CACNA1I: variants seen among roughly 807,000 people sequenced by gnomAD.
CACNA1I encodes the protein voltage-dependent T-type calcium channel subunit alpha-1I.
A neutral mutation model predicts 201.6 loss-of-function variants in CACNA1I; 74 were observed. The ratio of observed to expected loss-of-function variants is 0.37; its 90% confidence interval spans 0.30 to 0.45. CACNA1I has a LOEUF of 0.45. Ranked by LOEUF, CACNA1I falls within the 20% of genes least tolerant of loss-of-function variation. The pLI, the probability that CACNA1I is intolerant of heterozygous loss-of-function variation, is 1.00. For missense variants in CACNA1I, 2,346 were observed against 3,138.1 expected (o/e 0.75, Z 6.03); for synonymous variants, 1,431 against 1,345.2 (o/e 1.06, Z -1.40).
At chr22:39,610,052 T>G (rs935436006) in intron 3 of CACNA1I, among the ~76,000 whole-genome samples, 2 of 152,220 alleles carry the variant, frequency 1.3e-5, no homozygotes, top group African/African-American at 4.8e-5. Context: ...CCTTTGGAGC[T>G]GGCCTTCCTG....
chr22:39,662,411 G>A lies in CACNA1I; in HGVS notation c.3348G>A (p.Gly1116=). 1 of 1,453,802 alleles carries A rather than the reference G, an allele frequency of 6.9e-7. No individual in the cohort carries two copies. The highest frequency in any genetic ancestry group is 9.0e-7 in the Non-Finnish European group (1 of 1,113,394). 90.1% of individuals were successfully genotyped at this position (1,453,802 alleles called of 1,614,324 possible). Residue 1116 remains glycine, a synonymous_variant, in exon 17 of 37, where the codon GGG becomes GGA. Coordinates refer to ENST00000402142, the MANE Select transcript of CACNA1I (RefSeq NM_021096.4). ...FTKMGDRGDR[G]EDEEEIDYTL... ...AGATGGGCGACCGCGGGGATCGCGGGGAGGATGAGGAGGAAATCGACTACG... is the reference window on the plus strand; with the variant it reads ...AGATGGGCGACCGCGGGGATCGCGGAGAGGATGAGGAGGAAATCGACTACG...
In CACNA1I at chr22:39,662,326, C is replaced by T; in HGVS notation, c.3263C>T (p.Ala1088Val). Reference protein sequence around the residue: ...PRAAWRAAGPAPGHEDCNGRM... With the variant: ...PRAAWRAAGPVPGHEDCNGRM... ...GCCGCCTGGAGGGCGGCAGGCCCGG[C>T]CCCCGGGCATGAGGACTGCAATGGC... is the stretch of plus-strand genomic sequence containing the variant. Residue 1088 changes from alanine (A) to valine (V), a missense_variant, in exon 17 of 37, where the codon GCC (alanine) becomes GTC (valine). By Grantham distance (64) the Ala-to-Val change is moderately conservative (BLOSUM62 0). Transcript: ENST00000402142. The T allele has an allele frequency of 6.8e-7, 1 of 1,476,950 alleles. No individual in the cohort carries two copies. The highest frequency in any genetic ancestry group is 1.3e-5 in the South Asian group (1 of 75,178). The allele number at this position is 1,476,950 out of a possible 1,614,324, so 91.5% of individuals were successfully genotyped here.
Position 39,646,589 on chromosome 22 carries a change from C to T in CACNA1I, c.1170C>T (p.Ile390=). The change falls in exon 8 of 37, where the codon ATC becomes ATT. Residue 390 remains isoleucine, a synonymous_variant. Transcript: ENST00000402142. ...LLIIVGSFFM[I]NLCLVVIATQ... is the part of the protein sequence containing the mutation. ...CACAGGTGGGCTCCTTCTTCATGAT[C>T]AACCTGTGCCTCGTTGTCATAGCGA... 1 of 1,561,826 alleles carries T rather than the reference C, an allele frequency of 6.4e-7. No individual in the cohort carries two copies. Among genetic ancestry groups the T allele is most frequent in the Non-Finnish European group, 8.7e-7 (1 of 1,152,720 alleles).
chr22:39,607,873 C>T (rs1285323201), intron 3 of CACNA1I, among the ~76,000 whole-genome samples: 2 of 141,820 alleles, frequency 1.4e-5, no homozygotes, highest in Non-Finnish European at 3.0e-5. Context: ...ACCTGTAATC[C>T]CAGCACTTTG....
In CACNA1I at chr22:39,661,272, A is replaced by G. The variant is rs771098408; in HGVS notation, c.2863A>G (p.Met955Val). The G allele has an allele frequency of 1.2e-5, 19 of 1,604,342 alleles. No homozygotes were observed. The highest frequency in any genetic ancestry group is 3.3e-4 in the Middle Eastern group (2 of 6,042). Residue 955 changes from methionine (M) to valine (V), a missense_variant, in exon 16 of 37, where the codon ATG becomes GTG. Met to Val is a conservative substitution (Grantham distance 21). Coordinates refer to ENST00000402142, the MANE Select transcript of CACNA1I (RefSeq NM_021096.4). ...CCTGGGCTCCCGAAAGAGCAGTGTCATGTCTCTAGGGAGGATGAGCTATGA... is the reference window on the plus strand; with the variant it reads ...CCTGGGCTCCCGAAAGAGCAGTGTCGTGTCTCTAGGGAGGATGAGCTATGA... ...VALGSRKSSV[M>V]SLGRMSYDQR...
chr22:39,635,228 C>T (rs1934176565), intron 5 of CACNA1I, among the ~76,000 whole-genome samples: 2 of 152,138 alleles, frequency 1.3e-5, no homozygotes, highest in Middle Eastern at 3.2e-3. Flanking sequence ...ATATGCATGG[C>T]GTGCACCGAC....
rs1935690041 is a variant in CACNA1I, at chr22:39,681,057, G to C, written c.5664+5G>C. 2 of 1,607,972 alleles carry C rather than the reference G, an allele frequency of 1.2e-6. No homozygotes were observed. The highest frequency in any genetic ancestry group is 1.7e-6 in the Non-Finnish European group (2 of 1,178,676). On this transcript the variant is annotated splice_donor_5th_base_variant and intron_variant, in intron 34 of 36. Coordinates refer to ENST00000402142, the MANE Select transcript of CACNA1I (RefSeq NM_021096.4). The stretch of plus-strand genomic sequence containing the variant: ...CCTGGCCGCAAAGACAGCAAGGTCA[G>C]CTCCCCTGGGGACTCCTGAGCAGGC...
rs536970986 is a variant in CACNA1I, at chr22:39,655,752, C to T, written c.1993-2400C>T. On this transcript the variant is annotated intron_variant, in intron 10 of 36. Transcript: ENST00000402142. The stretch of plus-strand genomic sequence containing the variant: ...GGCTCCCACTTGCTGTGTCTATATT[C>T]GTCTGTGTGTCTCTGTCCCGGAGAA... Among the ~76,000 whole-genome samples the T allele has an allele frequency of 5.9e-5, 9 of 152,246 alleles. No homozygotes were observed. The South Asian group carries it at 1.5e-3, about 25-fold the overall frequency.
At position 39,679,361 on chromosome 22, in the gene CACNA1I, C is replaced by A. The variant is rs781779059; in HGVS notation, c.5310C>A (p.Gly1770=). The change falls in exon 32 of 37, where the codon GGC becomes GGA. Residue 1770 remains glycine (G), a synonymous_variant. Transcript: ENST00000402142. ...CGAGGCTGCCTACCGGCTCCCCGGGCGCCCCTGGCCGAGGGCCGGGAGGGG... is the reference window on the plus strand; with the variant it reads ...CGAGGCTGCCTACCGGCTCCCCGGGAGCCCCTGGCCGAGGGCCGGGAGGGG... ...PGPRLPTGSP[G]APGRGPGGAG... 2.6e-6 allele frequency: 4 copies of A among 1,535,260 alleles called. No homozygotes were observed. Among genetic ancestry groups the A allele is most frequent in the South Asian group, 2.4e-5 (2 of 83,012 alleles).
intron 3 of CACNA1I, among the ~76,000 whole-genome samples, chr22:39,616,266 CAA>C (rs1933534133): frequency 6.6e-6 from 1 of 152,108 alleles, no homozygotes; most frequent in Non-Finnish European, 1.5e-5. Flanking sequence ...GGAGGTTGCC[CAA>C]GTCTGTAGCC....
At chr22:39,597,429 G>A (rs1298535518) in intron 1 of CACNA1I, among the ~76,000 whole-genome samples, 1 of 152,190 alleles carries the variant, frequency 6.6e-6, no homozygotes, top group Non-Finnish European at 1.5e-5. Flanking sequence ...GCCAGGTGCA[G>A]GAGGGGAGCC....
At chr22:39,583,134 C>CTCCATCCA (rs59596152) in intron 1 of CACNA1I, among the ~76,000 whole-genome samples, 37 of 136,346 alleles carry the variant, frequency 2.7e-4, no homozygotes, top group East Asian at 7.1e-4. Flanking sequence ...GCATCCATCT[C>CTCCATCCA]TCCATCCATC....
chr22:39,677,992 A>G lies in CACNA1I; in HGVS notation c.4939A>G (p.Asn1647Asp). The change falls in exon 31 of 37, where the codon AAC becomes GAC. Residue 1647 changes from asparagine (N) to aspartate (D), a missense_variant. Coordinates refer to ENST00000402142, the MANE Select transcript of CACNA1I (RefSeq NM_021096.4). This position sits in a 1 kb window ranked among gnomAD's most constrained non-coding sequence, Gnocchi z 4.8. ...GVELFGKLVC[N>D]DENPCEGMSR... ...GACCTCCTCCCCGCTTCCAGTCTGC[A>G]ACGACGAGAACCCGTGCGAGGGCAT... The G allele has an allele frequency of 1.3e-6, 2 of 1,589,604 alleles. No homozygotes were observed. The highest frequency in any genetic ancestry group is 1.7e-6 in the Non-Finnish European group (2 of 1,168,606).
chr22:39,661,056 T>A (rs1389169237), intron 15 of CACNA1I, 52 bp from the exon 16 acceptor site: 1 of 1,433,978 alleles, frequency 7.0e-7, no homozygotes, highest in Non-Finnish European at 9.8e-7. Context: ...TTGCTGTTGT[T>A]CTGTCCTGTC....
chr22:39,635,310 C>T (rs1016677107), intron 5 of CACNA1I, among the ~76,000 whole-genome samples: 6 of 152,176 alleles, frequency 3.9e-5, no homozygotes, highest in Admixed American at 6.5e-5. Flanking sequence ...CTTTGTTGAG[C>T]CTGTGCTCGG....
chr22:39,592,644 G>A (rs890652432), intron 1 of CACNA1I, among the ~76,000 whole-genome samples: 1 of 152,346 alleles, frequency 6.6e-6, no homozygotes, highest in Admixed American at 6.5e-5. Context: ...AAGACGTCCT[G>A]CCGTCGTGGC....
intron 1 of CACNA1I, among the ~76,000 whole-genome samples, chr22:39,584,162 A>C (rs1384768744): frequency 6.6e-6 from 1 of 152,022 alleles, no homozygotes; most frequent in Admixed American, 6.6e-5. Flanking sequence ...GGAAGGAGAG[A>C]ATGCAGCCTG....
At chr22:39,616,045 A>G (rs1044780228) in intron 3 of CACNA1I, among the ~76,000 whole-genome samples, 6 of 152,070 alleles carry the variant, frequency 3.9e-5, no homozygotes, top group Admixed American at 3.3e-4. Flanking sequence ...TCTCAGGGGA[A>G]TTTGGGGAAT....
chr22:39,674,057 C>T lies in CACNA1I; in HGVS notation c.4854+24C>T, dbSNP rs200831657. On this transcript the variant is annotated intron_variant, in intron 29 of 36. Coordinates refer to ENST00000402142, the MANE Select transcript of CACNA1I (RefSeq NM_021096.4). Reference sequence around the variant, plus strand: ...AGGTAAGAGCCACTCTTTCTGGCAGCCCTCCTAGGGGTCATTGGTGTCAGG... The same window carrying T: ...AGGTAAGAGCCACTCTTTCTGGCAGTCCTCCTAGGGGTCATTGGTGTCAGG... 3.7e-6 allele frequency: 6 copies of T among 1,609,334 alleles called. No homozygotes were observed. The Admixed American group carries it at 1.0e-4, about 27-fold the overall frequency.
Sources: allele counts gnomAD v4.1 joint callset (sites outside exome capture counted in the v4.1 genomes callset), GRCh38; gene constraint gnomAD v4.1.1; non-coding constraint Gnocchi (gnomAD v3.1); transcripts MANE v1.5; gene names NCBI Gene and HGNC (gene_info 2026-07-23, HGNC 2026-07-21).